IPP: variants seen among roughly 807,000 people sequenced by gnomAD.
The protein encoded by IPP is intracisternal A particle-promoted polypeptide.
IPP carries 41 observed loss-of-function variants against 64.1 expected under a neutral mutation model. That is an observed-to-expected ratio of 0.64 (90% CI 0.50 to 0.83). IPP has a LOEUF of 0.83. IPP is among the 40% of genes least tolerant of loss of function. IPP has a pLI of 0.00. For synonymous variants in IPP, 214 were observed against 235.2 expected (o/e 0.91, Z 0.83); for missense variants, 649 against 703.0 (o/e 0.92, Z 0.87).
In IPP at chr1:45,742,501, C is replaced by G. The variant is rs79621436; in HGVS notation, c.293-1169G>C. The stretch of plus-strand genomic sequence containing the variant: ...GAGAGTAAGACAAGGTCTCTATCTT[C>G]AATTATGATAAAACGCCACATAATG... On this transcript the variant is annotated intron_variant, in intron 2 of 8. Coordinates refer to ENST00000396478, the MANE Select transcript of IPP (RefSeq NM_005897.3). 5.5e-4 allele frequency among the ~76,000 whole-genome samples: 83 copies of G among 152,290 alleles called. No individual in the cohort carries two copies. The East Asian group carries it at 0.013, about 24-fold the overall frequency.
chr1:45,709,572 C>G (rs147225963), intron 8 of IPP, among the ~76,000 whole-genome samples: 1,768 of 151,334 alleles, frequency 0.012, 27 homozygotes, highest in African/African-American at 0.037. Context: ...CAACTGGGCA[C>G]GGTGGTTCAC....
intron 8 of IPP, among the ~76,000 whole-genome samples, chr1:45,709,432 C>CAAAAAAAAAA (rs71058701): frequency 2.7e-4 from 18 of 66,164 alleles, no homozygotes; most frequent in African/African-American, 8.4e-4. Context: ...GACTCCGTCT[C>CAAAAAAAAAA]AAAAAAAAAA....
rs574023768 is a variant in IPP, at chr1:45,734,622, C to T, written c.725-4853G>A. On this transcript the variant is annotated intron_variant, in intron 3 of 8. Coordinates refer to ENST00000396478, the MANE Select transcript of IPP (RefSeq NM_005897.3). ...TGCCAGGGTAATTTTAAATTATTTA[C>T]TTATTTATTTATTTAGATACAGAAT... 7.9e-5 allele frequency among the ~76,000 whole-genome samples: 12 copies of T among 151,890 alleles called. No homozygotes were observed. In the South Asian group the frequency reaches 2.5e-3, roughly 32 times the overall value.
rs184729903 is a variant in IPP, at chr1:45,743,451, C to T, written c.293-2119G>A. Reference sequence around the variant, plus strand: ...AATTAGCCAGGTGTGGTAGCATGTGCGCCTGTAGTCTCAGCTACTAGGGAG... The same window carrying T: ...AATTAGCCAGGTGTGGTAGCATGTGTGCCTGTAGTCTCAGCTACTAGGGAG... On this transcript the variant is annotated intron_variant, in intron 2 of 8. Coordinates refer to ENST00000396478, the MANE Select transcript of IPP (RefSeq NM_005897.3). 6.9e-3 allele frequency among the ~76,000 whole-genome samples: 1,033 copies of T among 150,650 alleles called. 13 individuals carry two copies. Among genetic ancestry groups the T allele is most frequent in the African/African-American group, 0.024 (994 of 41,130 alleles).
At chr1:45,724,153 C>T (rs1286324512) in intron 5 of IPP, among the ~76,000 whole-genome samples, 1 of 152,118 alleles carries the variant, frequency 6.6e-6, no homozygotes, top group Non-Finnish European at 1.5e-5. Flanking sequence ...GACTGGTTTT[C>T]GGTTTTTTTT....
At chr1:45,748,401 C>T (rs984671996) in intron 1 of IPP, among the ~76,000 whole-genome samples, 14 of 152,274 alleles carry the variant, frequency 9.2e-5, no homozygotes, top group Admixed American at 8.5e-4. Flanking sequence ...GGCACAGTGG[C>T]TCATACCTGT....
At chr1:45,702,849 T>C (rs1237103682) in intron 8 of IPP, among the ~76,000 whole-genome samples, 1 of 152,152 alleles carries the variant, frequency 6.6e-6, no homozygotes, top group East Asian at 1.9e-4. Context: ...CCTCAAAAAG[T>C]TCACTTTCTA....
At position 45,699,470 on chromosome 1, in the gene IPP, G is replaced by T. The variant is rs1448073164; in HGVS notation, c.*496C>A. On this transcript the variant is annotated 3_prime_UTR_variant, in exon 9 of 9. Transcript: ENST00000396478. ...GGAGAAGTAGCTAAAGGGACTATTT[G>T]CCAGGAAGCTTCTAGTAAATAATTT... 2 of 988,124 alleles carry T rather than the reference G, an allele frequency of 2.0e-6. No individual in the cohort carries two copies. The highest frequency in any genetic ancestry group is 2.4e-6 in the Non-Finnish European group (2 of 831,410). 61.2% of individuals were successfully genotyped at this position (988,124 alleles called of 1,614,324 possible). A position where few individuals can be genotyped will look rare whatever the true frequency, so the allele number is the denominator to read the frequency against.
In IPP at chr1:45,708,320, T is replaced by C. The variant is rs1175951440; in HGVS notation, c.1530+5926A>G. 1.1e-4 allele frequency among the ~76,000 whole-genome samples: 16 copies of C among 150,234 alleles called. 1 individual carries two copies. The highest frequency in any genetic ancestry group is 4.0e-4 in the Admixed American group (6 of 15,136). On this transcript the variant is annotated intron_variant, in intron 8 of 8. Coordinates refer to ENST00000396478, the MANE Select transcript of IPP (RefSeq NM_005897.3). ...ACCTCCTGATCTGCCCGCCTCGGCC[T>C]CCCAAAGTGCTGGAGTAACAGGCGT...
At chr1:45,737,885 C>T (rs554397585) in intron 3 of IPP, among the ~76,000 whole-genome samples, 24 of 152,176 alleles carry the variant, frequency 1.6e-4, no homozygotes, top group Non-Finnish European at 2.9e-4. Flanking sequence ...CATATCATCA[C>T]CAGAAGGGTA....
chr1:45,733,668 C>T (rs1456620460), intron 3 of IPP, among the ~76,000 whole-genome samples: 3 of 151,782 alleles, frequency 2.0e-5, no homozygotes, highest in South Asian at 4.2e-4. Flanking sequence ...CCCGTCTCTA[C>T]TAAAAATACA....
intron 5 of IPP, among the ~76,000 whole-genome samples, chr1:45,720,415 TTG>T (rs1248153345): frequency 6.6e-6 from 1 of 152,190 alleles, no homozygotes; most frequent in African/African-American, 2.4e-5. Flanking sequence ...ATGAAGATTT[TTG>T]TATTTAAAAA....
intron 1 of IPP, among the ~76,000 whole-genome samples, chr1:45,750,371 C>G (rs930391948): frequency 2.0e-5 from 3 of 152,180 alleles, no homozygotes; most frequent in Admixed American, 2.0e-4. Context: ...CTCAGGATTC[C>G]CCAGTTGGGG....
At chr1:45,735,374 A>G (rs553149830) in intron 3 of IPP, among the ~76,000 whole-genome samples, 6 of 151,834 alleles carry the variant, frequency 4.0e-5, no homozygotes, top group Non-Finnish European at 7.4e-5. Flanking sequence ...ATGAGACACC[A>G]CACCCAGCAA....
intron 5 of IPP, among the ~76,000 whole-genome samples, chr1:45,725,077 C>A (rs1645796709): frequency 6.8e-6 from 1 of 146,498 alleles, no homozygotes; most frequent in Non-Finnish European, 1.5e-5. Flanking sequence ...GGGGGTCAGC[C>A]CCCCGCCCGG....
chr1:45,737,349 C>A (rs1557757860), intron 3 of IPP, among the ~76,000 whole-genome samples: 1 of 151,886 alleles, frequency 6.6e-6, no homozygotes, highest in Non-Finnish European at 1.5e-5. Context: ...TATTTGTAAC[C>A]CCAAAATTAA....
At chr1:45,749,525 G>GTTTTTTGTTTTT (rs1553194755) in intron 1 of IPP, among the ~76,000 whole-genome samples, 125 of 107,058 alleles carry the variant, frequency 1.2e-3, no homozygotes, top group East Asian at 3.6e-3. Context: ...TTTGTTTTTT[G>GTTTTTTGTTTTT]TTTTTTTTTT....
chr1:45,707,283 C>T (rs1026264002), intron 8 of IPP, among the ~76,000 whole-genome samples: 2 of 151,824 alleles, frequency 1.3e-5, no homozygotes, highest in African/African-American at 2.4e-5. Context: ...ATTAGCCAGG[C>T]GTGGTGGTGG....
At chr1:45,730,358 A>T (rs1401006283) in intron 3 of IPP, among the ~76,000 whole-genome samples, 6 of 140,540 alleles carry the variant, frequency 4.3e-5, no homozygotes, top group African/African-American at 1.7e-4. Context: ...TCTCAAAAAT[A>T]AAAAAAAAAA....
Sources: gnomAD v4.1 joint callset for allele counts (sites outside exome capture counted in the v4.1 genomes callset) on GRCh38, gnomAD v4.1.1 for gene constraint, MANE v1.5 for transcripts, NCBI Gene and HGNC (gene_info 2026-07-23, HGNC 2026-07-21) for gene names.